SAFB: variants seen among roughly 807,000 people sequenced by gnomAD.
The protein encoded by SAFB is scaffold attachment factor B, also known as scaffold attachment factor B1.
A neutral mutation model predicts 101.6 loss-of-function variants in SAFB; 15 were observed. The observed-to-expected ratio is 0.15, with a 90% CI of 0.10 to 0.23. The LOEUF is 0.23. SAFB is among the 10% of genes least tolerant of loss of function. The pLI is 1.00. For missense variants in SAFB, 930 were observed against 1,104.1 expected (o/e 0.84, Z 2.23); for synonymous variants, 449 against 407.5 (o/e 1.10, Z -1.23).
intron 16 of SAFB, 27 bp downstream of exon 16, chr19:5,664,186 G>A (rs923223035): frequency 6.2e-6 from 10 of 1,608,848 alleles, no homozygotes; most frequent in East Asian, 2.2e-5. Context: ...CTGGGCGTGC[G>A]GGTTTTCTTT....
At chr19:5,634,958 A>G (rs113367682) in intron 2 of SAFB, among the ~76,000 whole-genome samples, 11 of 152,162 alleles carry the variant, frequency 7.2e-5, no homozygotes, top group African/African-American at 2.6e-4. Context: ...GCCAACATGG[A>G]GAAACCTTGT....
At chr19:5,653,069 T>C (rs753082610) in intron 9 of SAFB, 46 bp from the exon 10 acceptor site, 11 of 1,609,106 alleles carry the variant, frequency 6.8e-6, no homozygotes, top group Non-Finnish European at 9.3e-6. Flanking sequence ...CATGCCCCGC[T>C]CAGTGGGCTT....
At chr19:5,633,640 G>C (rs557687384) in intron 2 of SAFB, among the ~76,000 whole-genome samples, 1 of 152,122 alleles carries the variant, frequency 6.6e-6, no homozygotes, top group Admixed American at 6.6e-5. Context: ...TTAGGCAGGC[G>C]TGGTGGCGGG....
chr19:5,655,040 C>T (rs965317144), intron 13 of SAFB, among the ~76,000 whole-genome samples: 1 of 152,202 alleles, frequency 6.6e-6, no homozygotes, highest in Non-Finnish European at 1.5e-5. Context: ...GTGTCAGCAC[C>T]TCCCCGTGAT....
Position 5,654,123 on chromosome 19 carries a change from A to G in SAFB, c.1589A>G (p.Asp530Gly), listed in dbSNP as rs1203017645. 6.2e-7 allele frequency: 1 copy of G among 1,614,170 alleles called. No individual in the cohort carries two copies. The change falls in exon 12 of 21, where the codon GAC becomes GGC. Residue 530 changes from aspartate (D) to glycine (G), a missense_variant. Around this residue, in one of 7 missense-constraint regions of SAFB, gnomAD observed 92 missense variants for 83.8 expected, o/e 1.10. Transcript: ENST00000588852. ...DRKDDAKKGD[D>G]GSGEKSKDQD... ...AAAGATGATGCTAAGAAGGGTGACG[A>G]CGGAAGTGGAGAAAAGAGTAAGGAC...
At chr19:5,646,474 A>G (rs1204922335) in intron 5 of SAFB, among the ~76,000 whole-genome samples, 1 of 152,206 alleles carries the variant, frequency 6.6e-6, no homozygotes, top group Non-Finnish European at 1.5e-5. Flanking sequence ...ACAGTCTCCC[A>G]TGTTAAAATG....
chr19:5,627,188 G>A (rs1290793052), intron 2 of SAFB, among the ~76,000 whole-genome samples: 4 of 151,114 alleles, frequency 2.6e-5, no homozygotes, highest in African/African-American at 4.9e-5. Context: ...TTAAAAAAAA[G>A]GGGGGTGGGG....
intron 1 of SAFB, among the ~76,000 whole-genome samples, chr19:5,625,244 A>G (rs2053332149): frequency 6.6e-6 from 1 of 152,148 alleles, no homozygotes; most frequent in Non-Finnish European, 1.5e-5. Flanking sequence ...GAAGGGCAAA[A>G]GAACAAAAAG....
chr19:5,629,458 C>T (rs539439759), intron 2 of SAFB, among the ~76,000 whole-genome samples: 13 of 152,044 alleles, frequency 8.6e-5, no homozygotes, highest in East Asian at 3.9e-4. Flanking sequence ...GTGCACACAC[C>T]TGTATGCATA....
intron 2 of SAFB, among the ~76,000 whole-genome samples, chr19:5,640,859 G>A (rs2053694443): frequency 6.6e-6 from 1 of 151,868 alleles, no homozygotes; most frequent in Non-Finnish European, 1.5e-5. Flanking sequence ...CTAATGTGCT[G>A]GACTTAACAG....
At chr19:5,627,670 T>C (rs1333524125) in intron 2 of SAFB, among the ~76,000 whole-genome samples, 1 of 152,058 alleles carries the variant, frequency 6.6e-6, no homozygotes, top group Non-Finnish European at 1.5e-5. Context: ...CCCAAACACG[T>C]GATTTACTCT....
Position 5,661,772 on chromosome 19 carries a change from G to C in SAFB, c.2117G>C (p.Arg706Pro). 1 of 1,568,842 alleles carries C rather than the reference G, an allele frequency of 6.4e-7. No individual in the cohort carries two copies. The highest frequency in any genetic ancestry group is 8.6e-7 in the Non-Finnish European group (1 of 1,158,998). Residue 706 changes from arginine to proline, a missense_variant, in exon 15 of 21, where the codon CGG becomes CCG. Arg to Pro is a moderately radical substitution (Grantham distance 103). This residue lies in a region of SAFB where 318 missense variants were observed against 342.6 expected (regional missense o/e 0.93). Coordinates refer to ENST00000588852, the MANE Select transcript of SAFB (RefSeq NM_001201338.2). ...RQQELRYEQE[R>P]RPAVRRPYDL... ...CAGGAACTGCGCTATGAGCAGGAGCGGCGGCCCGCGGTGCGGCGGCCCTAC... is the reference window on the plus strand; with the variant it reads ...CAGGAACTGCGCTATGAGCAGGAGCCGCGGCCCGCGGTGCGGCGGCCCTAC...
At position 5,667,766 on chromosome 19, in the gene SAFB, G is replaced by A; in HGVS notation, c.2558-54G>A. The A allele has an allele frequency of 6.3e-7, 1 of 1,580,348 alleles. No individual in the cohort carries two copies. The highest frequency in any genetic ancestry group is 1.7e-5 in the Admixed American group (1 of 59,744). ...GAGTGGAGTGGGCTAAATGTGCCGT[G>A]GGTTCCACGCCGTGTGCGCAAGTTC... is the stretch of plus-strand genomic sequence containing the variant. On this transcript the variant is annotated intron_variant, in intron 19 of 20. Transcript: ENST00000588852. The surrounding 1 kb of genome is among the most constrained non-coding windows in gnomAD (Gnocchi z 4.0).
chr19:5,641,995 C>G, intron 4 of SAFB, 49 bp downstream of exon 4: 1 of 1,444,274 alleles, frequency 6.9e-7, no homozygotes, highest in Non-Finnish European at 9.7e-7. Flanking sequence ...GTATCAGTTC[C>G]ACAATTAAAA....
At chr19:5,663,966 G>GGTCGCCGT in intron 15 of SAFB, 56 bp from the exon 16 acceptor site, 1 of 1,576,580 alleles carries the variant, frequency 6.3e-7, no homozygotes, top group South Asian at 1.1e-5. Context: ...CCACAAAGGT[G>GGTCGCCGT]ATAGATACAT....
rs763837372 is a variant in SAFB, at chr19:5,657,311, AGGAGCCTCG to A, written c.1828_1836del (p.Glu610_Arg612del). On this transcript the variant is annotated inframe_deletion, in exon 14 of 21. Coordinates refer to ENST00000588852, the MANE Select transcript of SAFB (RefSeq NM_001201338.2). ...TCCGTCGTGTCCTTTGATAAGGTCA[AGGAGCCTCG>A]GAAGTCAAGAGACTCAGAGTCCCAT... 1.9e-6 allele frequency: 3 copies of A among 1,613,908 alleles called. No homozygotes were observed. Among genetic ancestry groups the A allele is most frequent in the Non-Finnish European group, 2.5e-6 (3 of 1,179,848 alleles).
chr19:5,664,439 G>C lies in SAFB; in HGVS notation c.2334G>C (p.Gln778His). Residue 778 changes from glutamine to histidine, a missense_variant and splice_region_variant, in exon 17 of 21, where the codon CAG (glutamine) becomes CAC (histidine). Around this residue, in one of 7 missense-constraint regions of SAFB, gnomAD observed 318 missense variants for 342.6 expected, o/e 0.93. Transcript: ENST00000588852. ...CAATGATGGGAGAACGAGAAGGACA[G>C]GTAAGTCTGAAGCTACAGTGGTAGC... is the stretch of plus-strand genomic sequence containing the variant. ...SRSMMGEREG[Q>H]HYPERHGGPE... 6 of 1,612,378 alleles carry C rather than the reference G, an allele frequency of 3.7e-6. No individual in the cohort carries two copies. Among genetic ancestry groups the C allele is most frequent in the Non-Finnish European group, 5.1e-6 (6 of 1,178,376 alleles).
intron 2 of SAFB, among the ~76,000 whole-genome samples, chr19:5,627,624 CTT>C (rs2053395548): frequency 6.6e-6 from 1 of 152,178 alleles, no homozygotes; most frequent in Admixed American, 6.5e-5. Flanking sequence ...CGAAATCTCT[CTT>C]GCCCATCCCC....
rs1263279126 is a variant in SAFB at position 5,650,473 on chromosome 19, G to A, written c.1198+498G>A. Among the ~76,000 whole-genome samples, 7 of 152,166 alleles carry A rather than the reference G, an allele frequency of 4.6e-5. No individual in the cohort carries two copies. The South Asian group carries it at 1.2e-3, about 27-fold the overall frequency. On this transcript the variant is annotated intron_variant, in intron 8 of 20. Transcript: ENST00000588852. ...GTTGCCCAGGCTGGAGTGCAGTGGC[G>A]CGATCTCAGCTCACTGCAACCTCTG...
Sources: allele counts gnomAD v4.1 joint callset (sites outside exome capture counted in the v4.1 genomes callset), GRCh38; gene constraint gnomAD v4.1.1; regional missense constraint gnomAD v4.1.1; non-coding constraint Gnocchi (gnomAD v3.1); transcripts MANE v1.5; gene names NCBI Gene and HGNC (gene_info 2026-07-23, HGNC 2026-07-21).